The following RAB3GAP1 variants were observed in gnomAD, a reference collection of about 807,000 sequenced individuals.
The protein encoded by RAB3GAP1 is RAB3 GTPase activating protein catalytic subunit 1, also known as rab3 GTPase-activating protein catalytic subunit.
RAB3GAP1 carries 86 observed loss-of-function variants against 130.7 expected under a neutral mutation model. That is an observed-to-expected ratio of 0.66 (90% CI 0.55 to 0.79). The LOEUF is 0.79. Ranked by LOEUF, RAB3GAP1 falls within the 30% of genes least tolerant of loss-of-function variation. RAB3GAP1 has a pLI of 0.00. For synonymous variants in RAB3GAP1, 367 were observed against 401.7 expected (o/e 0.91, Z 1.03); for missense variants, 1,029 against 1,169.4 (o/e 0.88, Z 1.75).
chr2:135,132,374 C>A (rs1397478050), intron 13 of RAB3GAP1, among the ~76,000 whole-genome samples: 1 of 152,044 alleles, frequency 6.6e-6, no homozygotes, highest in African/African-American at 2.4e-5. Flanking sequence ...GGAAAAGGTA[C>A]ATTGGTTATT....
At chr2:135,141,719 C>T (rs1691846684) in intron 17 of RAB3GAP1, among the ~76,000 whole-genome samples, 1 of 152,174 alleles carries the variant, frequency 6.6e-6, no homozygotes, top group African/African-American at 2.4e-5. Context: ...TGACCCACCT[C>T]AAATTAATTG....
chr2:135,081,830 A>G (rs1689830013), intron 3 of RAB3GAP1, among the ~76,000 whole-genome samples: 1 of 152,096 alleles, frequency 6.6e-6, no homozygotes, highest in African/African-American at 2.4e-5. Context: ...TTAAAAGAGA[A>G]TCTTCTCAGT....
rs1266185199 is a variant in RAB3GAP1 at position 135,113,132 on chromosome 2, A to ATTT, written c.363-19_363-18insTTT. ...TTCTGAGGTTTCCCCTGTTTAATGCAGTTAATTCTTTTTTTAAGGTATGGG... is the reference window on the plus strand; with the variant it reads ...TTCTGAGGTTTCCCCTGTTTAATGCATTTGTTAATTCTTTTTTTAAGGTATGGG... On this transcript the variant is annotated intron_variant, in intron 5 of 23. Coordinates refer to ENST00000264158, the MANE Select transcript of RAB3GAP1 (RefSeq NM_012233.3). 1.2e-6 allele frequency: 2 copies of ATTT among 1,614,048 alleles called. No individual in the cohort carries two copies.
intron 3 of RAB3GAP1, among the ~76,000 whole-genome samples, chr2:135,074,187 A>T (rs1343527650): frequency 6.6e-6 from 1 of 152,180 alleles, no homozygotes; most frequent in Admixed American, 6.5e-5. Flanking sequence ...CTGGAGCAGG[A>T]GGGTTGGCTG....
chr2:135,081,327 A>ATATATAT (rs1553440432), intron 3 of RAB3GAP1, among the ~76,000 whole-genome samples: 2 of 64,038 alleles, frequency 3.1e-5, no homozygotes, highest in Non-Finnish European at 4.7e-5. Context: ...AAAAAAAAAA[A>ATATATAT]ATATATATAT....
chr2:135,138,919 A>G (rs114323608), intron 17 of RAB3GAP1, among the ~76,000 whole-genome samples: 1,965 of 152,212 alleles, frequency 0.013, 32 homozygotes, highest in South Asian at 0.033. Flanking sequence ...CCCAGCCTCA[A>G]TTTCTTATAA....
In RAB3GAP1 at chr2:135,169,776, T is replaced by C. The variant is rs116237324; in HGVS notation, c.*995T>C. 4.1e-3 allele frequency: 1,887 copies of C among 456,212 alleles called. 28 individuals carry two copies. The highest frequency in any genetic ancestry group is 0.035 in the African/African-American group (1,733 of 50,156). 28.3% of individuals were successfully genotyped at this position (456,212 alleles called of 1,614,324 possible). On this transcript the variant is annotated 3_prime_UTR_variant, in exon 24 of 24. Coordinates refer to ENST00000264158, the MANE Select transcript of RAB3GAP1 (RefSeq NM_012233.3). The stretch of plus-strand genomic sequence containing the variant: ...GATGTGTAGCCCCCCCGTGTGAGGA[T>C]GACATCACCACATTTCTAGTTTCAT...
chr2:135,065,433 A>G (rs1689291505), intron 3 of RAB3GAP1, among the ~76,000 whole-genome samples: 1 of 152,240 alleles, frequency 6.6e-6, no homozygotes, highest in African/African-American at 2.4e-5. Flanking sequence ...AGAAGCAGAT[A>G]TGAGAATATA....
At chr2:135,151,950 C>G (rs922171461) in intron 18 of RAB3GAP1, among the ~76,000 whole-genome samples, 3 of 152,214 alleles carry the variant, frequency 2.0e-5, no homozygotes, top group Non-Finnish European at 1.5e-5. Context: ...TATAGTTCCT[C>G]TAACACTGCA....
chr2:135,152,384 AAAG>A (rs1430983842), intron 18 of RAB3GAP1, among the ~76,000 whole-genome samples: 1 of 152,270 alleles, frequency 6.6e-6, no homozygotes, highest in East Asian at 1.9e-4. Context: ...GGACAACCAG[AAAG>A]AAGAATTTTG....
At chr2:135,161,824 A>G (rs2104996293) in intron 19 of RAB3GAP1, among the ~76,000 whole-genome samples, 1 of 152,302 alleles carries the variant, frequency 6.6e-6, no homozygotes, top group East Asian at 1.9e-4. Context: ...TGAGAGGATA[A>G]ACACGAAAAT....
Position 135,168,628 on chromosome 2 carries a change from C to G in RAB3GAP1, c.2793C>G (p.Phe931Leu), listed in dbSNP as rs751852823. 1 of 1,614,216 alleles carries G rather than the reference C, an allele frequency of 6.2e-7. No individual in the cohort carries two copies. Among genetic ancestry groups the G allele is most frequent in the Admixed American group, 1.7e-5 (1 of 60,036 alleles). ...GAAGGCAGAACTCCGTGTCAGACTT[C>G]CCACCCCCTGCTGGCCGGGAATTCA... ...EERRQNSVSD[F>L]PPPAGREFIL... The change falls in exon 24 of 24, where the codon TTC (phenylalanine) becomes TTG (leucine). Residue 931 changes from phenylalanine to leucine, a missense_variant. By Grantham distance (22) the Phe-to-Leu change is conservative. This residue lies in a region of RAB3GAP1 where 146 missense variants were observed against 143.7 expected (regional missense o/e 1.02). Transcript: ENST00000264158.
At chr2:135,141,924 AATGTACTGTC>A (rs1254224248) in intron 17 of RAB3GAP1, among the ~76,000 whole-genome samples, 1 of 151,976 alleles carries the variant, frequency 6.6e-6, no homozygotes, top group Non-Finnish European at 1.5e-5. Flanking sequence ...GTGTGCCAGT[AATGTACTGTC>A]ATCATTATTG....
At chr2:135,061,788 C>CT (rs1234323318) in intron 3 of RAB3GAP1, among the ~76,000 whole-genome samples, 1 of 151,858 alleles carries the variant, frequency 6.6e-6, no homozygotes, top group African/African-American at 2.4e-5. Context: ...ATCATTTAAC[C>CT]TTTGTTAAGG....
At chr2:135,124,124 T>A in intron 8 of RAB3GAP1, 41 bp from the exon 9 acceptor site, 1 of 1,568,688 alleles carries the variant, frequency 6.4e-7, no homozygotes, top group Non-Finnish European at 8.8e-7. Flanking sequence ...GACTCTTCTT[T>A]ATTTTTTCCC....
chr2:135,095,497 T>C (rs1690267719), intron 5 of RAB3GAP1, among the ~76,000 whole-genome samples: 1 of 152,216 alleles, frequency 6.6e-6, no homozygotes, highest in South Asian at 2.1e-4. Context: ...TACATATTAT[T>C]GAATATTGAA....
chr2:135,074,461 C>T (rs1689565762), intron 3 of RAB3GAP1, among the ~76,000 whole-genome samples: 1 of 152,178 alleles, frequency 6.6e-6, no homozygotes, highest in Admixed American at 6.5e-5. Context: ...GTTTGTCTGC[C>T]AGAAGACTGA....
chr2:135,129,707 A>T (rs557770683), intron 11 of RAB3GAP1, among the ~76,000 whole-genome samples: 1 of 152,126 alleles, frequency 6.6e-6, no homozygotes, highest in Non-Finnish European at 1.5e-5. Context: ...ACTGTGTCTC[A>T]TTGAGGCATA....
chr2:135,155,130 C>T (rs962739436), intron 19 of RAB3GAP1, among the ~76,000 whole-genome samples: 2 of 151,876 alleles, frequency 1.3e-5, no homozygotes, highest in African/African-American at 4.8e-5. Flanking sequence ...TATGAAAAAA[C>T]CATGTTTAAT....
Sources: allele counts gnomAD v4.1 joint callset (sites outside exome capture counted in the v4.1 genomes callset), GRCh38; gene constraint gnomAD v4.1.1; regional missense constraint gnomAD v4.1.1; transcripts MANE v1.5; gene names NCBI Gene and HGNC (gene_info 2026-07-23, HGNC 2026-07-21).